Variants in IKZF1 observed in about 807,000 individuals in gnomAD.
IKZF1 encodes DNA-binding protein Ikaros.
Under a neutral mutation model 51.7 loss-of-function variants are expected in IKZF1, and 10 were observed. That is an observed-to-expected ratio of 0.19 (90% CI 0.12 to 0.33). IKZF1 has a LOEUF of 0.33. IKZF1 is among the 10% of genes least tolerant of loss of function. The pLI is 1.00. For synonymous variants in IKZF1, 280 were observed against 282.3 expected (o/e 0.99, Z 0.08); for missense variants, 484 against 707.5 (o/e 0.68, Z 3.58).
chr7:50,326,666 C>T (rs538254846), intron 2 of IKZF1, among the ~76,000 whole-genome samples: 3 of 152,218 alleles, frequency 2.0e-5, no homozygotes, highest in African/African-American at 7.2e-5. Context: ...CTGTAAAACC[C>T]GATTTCATTT....
chr7:50,312,764 C>T (rs2153345699), intron 1 of IKZF1, among the ~76,000 whole-genome samples: 1 of 152,324 alleles, frequency 6.6e-6, no homozygotes, highest in African/African-American at 2.4e-5. Context: ...GACAGAATTG[C>T]ACATCTGAGC....
chr7:50,367,540 A>AT (rs1807305590), intron 3 of IKZF1: 1 of 153,284 alleles, frequency 6.5e-6, no homozygotes, highest in Admixed American at 6.5e-5. Context: ...AATGTGCTGC[A>AT]TTTTCTAATT....
At chr7:50,308,167 T>A (rs1003741751) in intron 1 of IKZF1, among the ~76,000 whole-genome samples, 1 of 152,094 alleles carries the variant, frequency 6.6e-6, no homozygotes. Flanking sequence ...ATATTACAAG[T>A]GAGATAAAAC....
At chr7:50,319,788 A>G (rs1792656620) in intron 2 of IKZF1, among the ~76,000 whole-genome samples, 1 of 152,188 alleles carries the variant, frequency 6.6e-6, no homozygotes, top group African/African-American at 2.4e-5. Flanking sequence ...TCGGTATTTC[A>G]TATTTTTGAG....
chr7:50,378,608 T>A (rs1276484643), intron 4 of IKZF1, among the ~76,000 whole-genome samples: 1 of 152,244 alleles, frequency 6.6e-6, no homozygotes, highest in African/African-American at 2.4e-5. Flanking sequence ...ATATAATGAC[T>A]GCCTGCCTTG....
chr7:50,311,235 T>C (rs1790088574), intron 1 of IKZF1, among the ~76,000 whole-genome samples: 1 of 152,226 alleles, frequency 6.6e-6, no homozygotes, highest in Admixed American at 6.5e-5. Flanking sequence ...ATACCCATTA[T>C]TGTATATAGG....
intron 7 of IKZF1, among the ~76,000 whole-genome samples, chr7:50,395,014 A>G (rs991213692): frequency 4.6e-5 from 7 of 152,264 alleles, no homozygotes; most frequent in Admixed American, 6.5e-5. Context: ...CCTGCTACCC[A>G]TTATAATTAT....
chr7:50,347,082 C>T (rs1254383690), intron 3 of IKZF1, among the ~76,000 whole-genome samples: 2 of 152,146 alleles, frequency 1.3e-5, no homozygotes, highest in Non-Finnish European at 2.9e-5. Flanking sequence ...TGGCAATTAT[C>T]GTTATCTCAT....
At chr7:50,368,945 T>C in intron 3 of IKZF1, 1 of 221,426 alleles carries the variant, frequency 4.5e-6, no homozygotes. Flanking sequence ...ACATCCTGGT[T>C]ATCAAAAACT....
chr7:50,389,923 A>G (rs78699863), intron 6 of IKZF1, among the ~76,000 whole-genome samples: 1 of 152,110 alleles, frequency 6.6e-6, no homozygotes, highest in African/African-American at 2.4e-5. Flanking sequence ...CTCCCACCCC[A>G]AAAACCTCCT....
At position 50,373,555 on chromosome 7, in the gene IKZF1, C is replaced by A. The variant is rs563148719; in HGVS notation, c.161-2978C>A. 2.6e-5 allele frequency among the ~76,000 whole-genome samples: 4 copies of A among 152,308 alleles called. No individual in the cohort carries two copies. The South Asian group carries it at 8.3e-4, about 32-fold the overall frequency. ...CGGAAGCACTAGGCCTACACCTTCG[C>A]TATAGCCCTCGTCTTAGCGCCTGTA... On this transcript the variant is annotated intron_variant, in intron 3 of 7. Coordinates refer to ENST00000331340, the MANE Select transcript of IKZF1 (RefSeq NM_006060.6).
At position 50,400,207 on chromosome 7, in the gene IKZF1, G is replaced by A; in HGVS notation, c.1140G>A (p.Lys380=). 1 of 1,584,298 alleles carries A rather than the reference G, an allele frequency of 6.3e-7. No homozygotes were observed. The highest frequency in any genetic ancestry group is 2.3e-5 in the East Asian group (1 of 43,106). Residue 380 remains lysine, a synonymous_variant, in exon 8 of 8, where the codon AAG becomes AAA. Coordinates refer to ENST00000331340, the MANE Select transcript of IKZF1 (RefSeq NM_006060.6). This position sits in a 1 kb window ranked among gnomAD's most constrained non-coding sequence, Gnocchi z 5.4. ...VENLLLLSKA[K]LVPSEREASP... ...ACCTGCTGCTGCTCTCCAAGGCCAAGTTGGTGCCCTCGGAGCGCGAGGCGT... is the reference window on the plus strand; with the variant it reads ...ACCTGCTGCTGCTCTCCAAGGCCAAATTGGTGCCCTCGGAGCGCGAGGCGT...
At chr7:50,391,509 G>C (rs1227090661) in intron 6 of IKZF1, among the ~76,000 whole-genome samples, 2 of 152,224 alleles carry the variant, frequency 1.3e-5, no homozygotes, top group East Asian at 3.8e-4. Flanking sequence ...GATGTGTGGT[G>C]AGCAGCTGTT....
At chr7:50,381,468 A>G (rs949746790) in intron 4 of IKZF1, among the ~76,000 whole-genome samples, 3 of 152,234 alleles carry the variant, frequency 2.0e-5, no homozygotes, top group African/African-American at 7.2e-5. Context: ...AGTTAAATGA[A>G]ATGTTCCCTG....
chr7:50,381,859 GT>G (rs1330068435), intron 4 of IKZF1, among the ~76,000 whole-genome samples: 1 of 152,180 alleles, frequency 6.6e-6, no homozygotes, highest in African/African-American at 2.4e-5. Flanking sequence ...TTCCTTCACA[GT>G]TTCTTAACTT....
Position 50,403,218 on chromosome 7 carries a change from A to G in IKZF1, c.*2591A>G. The G allele has an allele frequency of 4.5e-6, 1 of 220,232 alleles. No homozygotes were observed. Among genetic ancestry groups the G allele is most frequent in the Non-Finnish European group, 9.1e-6 (1 of 109,952 alleles). 13.6% of individuals were successfully genotyped at this position (220,232 alleles called of 1,614,324 possible). A position where few individuals can be genotyped will look rare whatever the true frequency, so the allele number is the denominator to read the frequency against. ...ACTATTGTATTTAAAGTAAGGTTTCATATTATGTCAGCAAGTAATTAACTT... is the reference window on the plus strand; with the variant it reads ...ACTATTGTATTTAAAGTAAGGTTTCGTATTATGTCAGCAAGTAATTAACTT... On this transcript the variant is annotated 3_prime_UTR_variant, in exon 8 of 8. Coordinates refer to ENST00000331340, the MANE Select transcript of IKZF1 (RefSeq NM_006060.6).
intron 2 of IKZF1, among the ~76,000 whole-genome samples, chr7:50,319,677 G>A (rs1391939319): frequency 6.6e-6 from 1 of 152,176 alleles, no homozygotes; most frequent in Non-Finnish European, 1.5e-5. Context: ...CAACAAAACC[G>A]CACAGTTCCC....
rs1817856628 is a variant in IKZF1 at position 50,400,388 on chromosome 7, G to A, written c.1321G>A (p.Ala441Thr). Reference protein sequence around the residue: ...EHRAYDLLRAASENSQDALRV... With the variant: ...EHRAYDLLRATSENSQDALRV... ...CCGCGCCTACGACCTGCTGCGCGCC[G>A]CCTCCGAGAACTCGCAGGACGCGCT... Residue 441 changes from alanine to threonine, a missense_variant, in exon 8 of 8, where the codon GCC becomes ACC. By Grantham distance (58) the Ala-to-Thr change is moderately conservative. This residue lies in a region of IKZF1 where 72 missense variants were observed against 67.5 expected (regional missense o/e 1.07). Transcript: ENST00000331340. The surrounding 1 kb of genome is among the most constrained non-coding windows in gnomAD (Gnocchi z 5.4). 6.2e-7 allele frequency: 1 copy of A among 1,613,140 alleles called. No homozygotes were observed. Among genetic ancestry groups the A allele is most frequent in the East Asian group, 2.2e-5 (1 of 44,878 alleles).
chr7:50,369,255 T>C, intron 3 of IKZF1: 1 of 354,604 alleles, frequency 2.8e-6, no homozygotes, highest in Non-Finnish European at 5.0e-6. Context: ...TTTTGAGAAG[T>C]CAAATGCACT....
Sources: gnomAD v4.1 joint callset for allele counts (sites outside exome capture counted in the v4.1 genomes callset) on GRCh38, gnomAD v4.1.1 for gene constraint, gnomAD v4.1.1 regional missense constraint, Gnocchi (gnomAD v3.1) non-coding constraint, MANE v1.5 for transcripts, NCBI Gene and HGNC (gene_info 2026-07-23, HGNC 2026-07-21) for gene names.